The following PDGFA variants were observed in gnomAD, a reference collection of about 807,000 sequenced individuals.
PDGFA encodes platelet derived growth factor subunit A.
In PDGFA, 9 loss-of-function variants were observed where a neutral mutation model predicts 25.6. That is an observed-to-expected ratio of 0.35 (90% CI 0.21 to 0.61). PDGFA has a LOEUF of 0.61. PDGFA is among the 20% of genes least tolerant of loss of function. The probability of loss-of-function intolerance (pLI) is 0.75; values close to 1 mark genes in which losing one functional copy is unlikely to be tolerated. For synonymous variants in PDGFA, 133 were observed against 111.8 expected, an observed-to-expected ratio of 1.19 and a Z score of -1.20; for missense variants, 242 against 272.8, an observed-to-expected ratio of 0.89 and a Z score of 0.79.
intron 4 of PDGFA, 32 bp downstream of exon 4, chr7:510,777 G>GGGAGAGGAGA: frequency 6.9e-6 from 5 of 728,044 alleles, no homozygotes; most frequent in East Asian, 7.3e-5. Context: ...AGGAGGGGAG[G>GGGAGAGGAGA]GGAGGGGAGG....
chr7:506,261 A>T (rs1782563293), intron 4 of PDGFA, among the ~76,000 whole-genome samples: 1 of 151,782 alleles, frequency 6.6e-6, no homozygotes, highest in Non-Finnish European at 1.5e-5. Flanking sequence ...CTGGCCAACA[A>T]AGCAAGACCC....
chr7:502,049 ACCCTGCCT>A (rs1782363239), intron 4 of PDGFA, among the ~76,000 whole-genome samples: 1 of 152,048 alleles, frequency 6.6e-6, no homozygotes, highest in Non-Finnish European at 1.5e-5. Flanking sequence ...ACATAGTAAG[ACCCTGCCT>A]CTAAAAACAA....
At chr7:512,893 G>T (rs1782928364) in intron 2 of PDGFA, 2 of 268,034 alleles carry the variant, frequency 7.5e-6, no homozygotes, top group Middle Eastern at 1.4e-3. Context: ...TCTGTCTGGG[G>T]GCTGGAGCGA....
rs539754763 is a variant in PDGFA, at chr7:508,486, G to T, written c.453+2323C>A. ...TAGGTGGGAGGATAGCTTCAGCCTG[G>T]GAGTCCGAGGCTGCAGCAAACCATG... On this transcript the variant is annotated intron_variant, in intron 4 of 5. Transcript: ENST00000402802. 1.2e-3 allele frequency among the ~76,000 whole-genome samples: 182 copies of T among 148,310 alleles called. 1 individual carries two copies. Among genetic ancestry groups the T allele is most frequent in the Non-Finnish European group, 1.9e-3 (125 of 67,342 alleles).
chr7:508,590 T>TAAAAAAAACC (rs1275774675), intron 4 of PDGFA, among the ~76,000 whole-genome samples: 1 of 130,896 alleles, frequency 7.6e-6, no homozygotes, highest in African/African-American at 2.9e-5. Context: ...AAAAAAAAAT[T>TAAAAAAAACC]CTCAGCTGAG....
chr7:512,509 G>A (rs111265203), intron 2 of PDGFA, 54 bp from the exon 3 acceptor site: 2 of 1,611,390 alleles, frequency 1.2e-6, no homozygotes, highest in Admixed American at 3.3e-5. Context: ...GCTGTGCCCT[G>A]GGCCTGTCCA....
At chr7:501,824 T>C (rs1782353176) in intron 4 of PDGFA, among the ~76,000 whole-genome samples, 1 of 152,148 alleles carries the variant, frequency 6.6e-6, no homozygotes, top group African/African-American at 2.4e-5. Context: ...TGCTAAGGTG[T>C]GGAAGTTTGG....
intron 4 of PDGFA, 52 bp downstream of exon 4, chr7:510,742 AGGAGAGGAGGGGAGG>A: frequency 5.0e-6 from 1 of 201,312 alleles, no homozygotes; most frequent in East Asian, 9.1e-5. Context: ...GGGAGGGGAG[AGGAGAGGAGGGGAGG>A]GGAGAGGAGA....
At chr7:503,426 G>A (rs886279465) in intron 4 of PDGFA, among the ~76,000 whole-genome samples, 1 of 152,188 alleles carries the variant, frequency 6.6e-6, no homozygotes, top group Non-Finnish European at 1.5e-5. Flanking sequence ...GCACAGGGGC[G>A]TGGGGGAATG....
At chr7:514,844 GCCACAGGTGAAAAGCCTT>G (rs1163848121) in intron 2 of PDGFA, among the ~76,000 whole-genome samples, 2 of 152,244 alleles carry the variant, frequency 1.3e-5, no homozygotes, top group Non-Finnish European at 2.9e-5. Context: ...GGATCTAAAA[GCCACAGGTGAAAAGCCTT>G]CACTCTTCAC....
chr7:506,490 C>G (rs548751178), intron 4 of PDGFA, among the ~76,000 whole-genome samples: 82 of 152,134 alleles, frequency 5.4e-4, no homozygotes, highest in Admixed American at 1.7e-3. Flanking sequence ...CCGTAACACC[C>G]CAGCCACTCT....
At chr7:514,645 C>T (rs976428037) in intron 2 of PDGFA, among the ~76,000 whole-genome samples, 1 of 152,200 alleles carries the variant, frequency 6.6e-6, no homozygotes, top group Non-Finnish European at 1.5e-5. Flanking sequence ...GGAGAATCTC[C>T]CAACCATCAG....
Position 500,523 on chromosome 7 carries a change from T to C in PDGFA, c.580+593A>G. 6.2e-7 allele frequency: 1 copy of C among 1,613,610 alleles called. No individual in the cohort carries two copies. Among genetic ancestry groups the C allele is most frequent in the Non-Finnish European group, 8.5e-7 (1 of 1,179,922 alleles). On this transcript the variant is annotated intron_variant, in intron 5 of 5. Coordinates refer to ENST00000402802, the Ensembl canonical transcript of PDGFA. The surrounding 1 kb of genome is among the most constrained non-coding windows in gnomAD (Gnocchi z 5.0). ...TCCTGTTAACAAAAGGGCAGGGCGG[T>C]GAGTGGGCCGAGGGACGGCCGTCGG...
At chr7:508,558 C>T (rs1782664520) in intron 4 of PDGFA, among the ~76,000 whole-genome samples, 1 of 31,856 alleles carries the variant, frequency 3.1e-5, no homozygotes, top group African/African-American at 8.2e-5. Flanking sequence ...AGAAGCTGTC[C>T]CAAAAAAAAA....
chr7:513,865 G>A (rs1338287549), intron 2 of PDGFA, among the ~76,000 whole-genome samples: 7 of 152,302 alleles, frequency 4.6e-5, no homozygotes, highest in African/African-American at 7.2e-5. Flanking sequence ...ACTTTTTACC[G>A]AAAATGACTC....
chr7:508,560 A>AAT lies in PDGFA; in HGVS notation c.453+2248_453+2249insAT, dbSNP rs1491299049. On this transcript the variant is annotated intron_variant, in intron 4 of 5. Coordinates refer to ENST00000402802, the Ensembl canonical transcript of PDGFA. The stretch of plus-strand genomic sequence containing the variant: ...GGGCAACAGAGCAAGAAGCTGTCCC[A>AAT]AAAAAAAAAAAAAAAAAAAAAAAAA... 1.1e-4 allele frequency among the ~76,000 whole-genome samples: 9 copies of AAT among 84,120 alleles called. No homozygotes were observed. The East Asian group carries it at 2.0e-3, about 19-fold the overall frequency. 55.2% of individuals were successfully genotyped at this position (84,120 alleles called of 152,430 possible).
At chr7:501,303 T>A in intron 4 of PDGFA, 61 bp from the exon 5 acceptor site, 1 of 1,605,028 alleles carries the variant, frequency 6.2e-7, no homozygotes, top group Non-Finnish European at 8.5e-7. Flanking sequence ...CATCACGACG[T>A]GCTGGGAGCC....
chr7:500,531 C>T lies in PDGFA; in HGVS notation c.580+585G>A, dbSNP rs1468981866. On this transcript the variant is annotated intron_variant, in intron 5 of 5. Coordinates refer to ENST00000402802, the Ensembl canonical transcript of PDGFA. The surrounding 1 kb of genome is among the most constrained non-coding windows in gnomAD (Gnocchi z 5.0). ...ACAAAAGGGCAGGGCGGTGAGTGGG[C>T]CGAGGGACGGCCGTCGGGGTGAAGA... 6.2e-7 allele frequency: 1 copy of T among 1,613,646 alleles called. No individual in the cohort carries two copies. Among genetic ancestry groups the T allele is most frequent in the South Asian group, 1.1e-5 (1 of 91,046 alleles).
intron 4 of PDGFA, among the ~76,000 whole-genome samples, chr7:504,472 T>C (rs927853682): frequency 1.3e-5 from 2 of 152,116 alleles, no homozygotes; most frequent in Admixed American, 1.3e-4. Flanking sequence ...AGCCCCCTCC[T>C]GCCTCAGCAG....
Sources: gnomAD v4.1 joint callset for allele counts (sites outside exome capture counted in the v4.1 genomes callset) on GRCh38, gnomAD v4.1.1 for gene constraint, Gnocchi (gnomAD v3.1) non-coding constraint, MANE v1.5 for transcripts, NCBI Gene and HGNC (gene_info 2026-07-23, HGNC 2026-07-21) for gene names.